Variants in DOCK9 observed in about 807,000 individuals in gnomAD.
The protein encoded by DOCK9 is dedicator of cytokinesis 9.
In DOCK9, 89 loss-of-function variants were observed where a neutral mutation model predicts 263.3. That is an observed-to-expected ratio of 0.34 (90% CI 0.28 to 0.40). The LOEUF (loss-of-function observed/expected upper bound fraction) is 0.40, where lower values mean the gene tolerates loss of function less well. DOCK9 is among the 10% of genes least tolerant of loss of function. The pLI is 1.00. For missense variants in DOCK9, 2,140 were observed against 2,603.4 expected (o/e 0.82, Z 3.87); for synonymous variants, 976 against 973.1 (o/e 1.00, Z -0.06).
At chr13:98,883,016 G>C in intron 23 of DOCK9, 26 bp downstream of exon 23, 1 of 1,593,676 alleles carries the variant, frequency 6.3e-7, no homozygotes, top group Non-Finnish European at 8.6e-7. Flanking sequence ...CACTTAAAAG[G>C]GGATACTAAG....
chr13:99,027,226 G>A (rs1886844266), intron 1 of DOCK9, among the ~76,000 whole-genome samples: 2 of 152,082 alleles, frequency 1.3e-5, no homozygotes, highest in African/African-American at 2.4e-5. Flanking sequence ...CACCATATTG[G>A]CCAGGCTGGT....
intron 30 of DOCK9, among the ~76,000 whole-genome samples, chr13:98,864,213 T>C (rs1222016256): frequency 3.9e-5 from 6 of 152,286 alleles, no homozygotes; most frequent in African/African-American, 4.8e-5. Context: ...TAAACTAAAA[T>C]TGAAGTGGAC....
chr13:98,993,796 A>AAAT (rs1880376475), intron 1 of DOCK9, among the ~76,000 whole-genome samples: 1 of 152,118 alleles, frequency 6.6e-6, no homozygotes, highest in East Asian at 1.9e-4. Context: ...AATAATAAAT[A>AAAT]AAAGTTTTGG....
intron 3 of DOCK9, among the ~76,000 whole-genome samples, chr13:98,926,985 C>A (rs2053080279): frequency 6.6e-6 from 1 of 152,268 alleles, no homozygotes; most frequent in Non-Finnish European, 1.5e-5. Context: ...CTCCCCTCCA[C>A]CTCCAAACTC....
In DOCK9 at chr13:98,850,014, C is replaced by A; in HGVS notation, c.4013+33G>T. 2.7e-6 allele frequency: 4 copies of A among 1,473,572 alleles called. No homozygotes were observed. The South Asian group carries it at 4.9e-5, about 18-fold the overall frequency. The allele number at this position is 1,473,572 out of a possible 1,614,324, so 91.3% of individuals were successfully genotyped here. A position where few individuals can be genotyped will look rare whatever the true frequency, so the allele number is the denominator to read the frequency against. ...GCCTCTTAATGATCCAGGAAAAAATCAAGAGGCAGTGATCAAAGAGAAAGC... is the reference window on the plus strand; with the variant it reads ...GCCTCTTAATGATCCAGGAAAAAATAAAGAGGCAGTGATCAAAGAGAAAGC... On this transcript the variant is annotated intron_variant, in intron 36 of 52. Transcript: ENST00000682017.
chr13:99,053,814 A>G (rs2040807120), intron 1 of DOCK9, among the ~76,000 whole-genome samples: 3 of 152,178 alleles, frequency 2.0e-5, no homozygotes, highest in Admixed American at 1.3e-4. Context: ...GGTTATTACA[A>G]GAGGAGCGAA....
chr13:99,026,782 C>G (rs559515637), intron 1 of DOCK9, among the ~76,000 whole-genome samples: 196 of 152,300 alleles, frequency 1.3e-3, no homozygotes, highest in African/African-American at 4.4e-3. Flanking sequence ...AAATTTTATT[C>G]ATATTTAAAA....
chr13:98,863,342 C>T, intron 31 of DOCK9, 28 bp downstream of exon 31: 1 of 1,603,390 alleles, frequency 6.2e-7, no homozygotes, highest in Non-Finnish European at 8.5e-7. Flanking sequence ...ATTATCAATG[C>T]ACATTCCTTC....
At chr13:98,935,743 G>C (rs2054708553) in intron 2 of DOCK9, among the ~76,000 whole-genome samples, 2 of 152,140 alleles carry the variant, frequency 1.3e-5, no homozygotes, top group African/African-American at 4.8e-5. Flanking sequence ...ACTCCAGACT[G>C]GGTGACAGAA....
At position 98,807,812 on chromosome 13, in the gene DOCK9, G is replaced by A. The variant is rs772119094; in HGVS notation, c.5368-5C>T. 6.2e-7 allele frequency: 1 copy of A among 1,605,824 alleles called. No homozygotes were observed. Among genetic ancestry groups the A allele is most frequent in the East Asian group, 2.2e-5 (1 of 44,788 alleles). On this transcript the variant is annotated splice_polypyrimidine_tract_variant and splice_region_variant and intron_variant, in intron 47 of 52. Transcript: ENST00000682017. The stretch of plus-strand genomic sequence containing the variant: ...ATCTTCATCTTCAAAGAATCCCTGT[G>A]ACATAAAGCACAATTAGAGCTATCC...
intron 52 of DOCK9, among the ~76,000 whole-genome samples, chr13:98,795,434 AC>A (rs2089254763): frequency 6.6e-6 from 1 of 151,596 alleles, no homozygotes; most frequent in African/African-American, 2.4e-5. Flanking sequence ...AAGCAAGTCT[AC>A]CCCCGCCACG....
intron 1 of DOCK9, among the ~76,000 whole-genome samples, chr13:99,078,486 T>G (rs1400968304): frequency 1.3e-5 from 2 of 152,064 alleles, no homozygotes; most frequent in Non-Finnish European, 2.9e-5. Flanking sequence ...CGCCCCACAC[T>G]AAGGACATGA....
At chr13:98,873,689 C>T (rs2094249159) in intron 27 of DOCK9, among the ~76,000 whole-genome samples, 1 of 152,226 alleles carries the variant, frequency 6.6e-6, no homozygotes, top group Non-Finnish European at 1.5e-5. Context: ...AGGAGCAGCA[C>T]TCCAGGGGGC....
At chr13:99,087,081 GA>G, upstream of DOCK9, among the ~76,000 whole-genome samples, 1 of 151,968 alleles carries the variant, frequency 6.6e-6, no homozygotes, top group East Asian at 1.9e-4. Flanking sequence ...TGCGGGGACA[GA>G]GGTCTCAGGA....
At chr13:98,806,835 G>A (rs867750663) in intron 48 of DOCK9, among the ~76,000 whole-genome samples, 1 of 151,746 alleles carries the variant, frequency 6.6e-6, no homozygotes, top group Admixed American at 6.6e-5. Flanking sequence ...CTTGAACCCA[G>A]GAGGCAGAGA....
chr13:99,040,190 G>A (rs886444196), intron 1 of DOCK9, among the ~76,000 whole-genome samples: 4 of 152,136 alleles, frequency 2.6e-5, no homozygotes, highest in African/African-American at 9.7e-5. Flanking sequence ...ACAATGAGAA[G>A]TCACCATCTT....
intron 1 of DOCK9, among the ~76,000 whole-genome samples, chr13:99,074,424 C>T (rs769113159): frequency 9.9e-5 from 15 of 151,976 alleles, no homozygotes; most frequent in Non-Finnish European, 1.9e-4. Flanking sequence ...CACTTTTTAC[C>T]GCAATAAGCA....
chr13:98,903,812 A>C (rs2048692683), intron 10 of DOCK9, among the ~76,000 whole-genome samples: 2 of 152,184 alleles, frequency 1.3e-5, no homozygotes, highest in Non-Finnish European at 2.9e-5. Context: ...ACAGAAAGGA[A>C]GGAAATTCTG....
intron 21 of DOCK9, 113 bp downstream of exon 21, chr13:98,884,858 A>G: frequency 7.8e-7 from 1 of 1,282,732 alleles, no homozygotes; most frequent in East Asian, 2.5e-5. Flanking sequence ...ACTAATATCA[A>G]AATGGTGGAA....
Sources: allele counts gnomAD v4.1 joint callset (sites outside exome capture counted in the v4.1 genomes callset), GRCh38; gene constraint gnomAD v4.1.1; transcripts MANE v1.5; gene names NCBI Gene and HGNC (gene_info 2026-07-23, HGNC 2026-07-21).